KAT6B: variants seen among roughly 807,000 people sequenced by gnomAD.
KAT6B encodes the protein histone acetyltransferase KAT6B.
In KAT6B, 10 loss-of-function variants were observed where a neutral mutation model predicts 187.5. The ratio of observed to expected loss-of-function variants is 0.05; its 90% CI spans 0.03 to 0.09. The LOEUF (loss-of-function observed/expected upper bound fraction) is 0.09. Among genes scored for constraint, KAT6B ranks in the 10% least tolerant of loss-of-function variants. The probability of loss-of-function intolerance (pLI) is 1.00; values close to 1 mark genes in which losing one functional copy is unlikely to be tolerated. For synonymous variants in KAT6B, 861 were observed against 926.8 expected (o/e 0.93, Z 1.29); for missense variants, 1,952 against 2,558.9 (o/e 0.76, Z 5.12).
At chr10:74,899,791 A>G (rs1846255651) in intron 3 of KAT6B, among the ~76,000 whole-genome samples, 1 of 152,092 alleles carries the variant, frequency 6.6e-6, no homozygotes, top group Admixed American at 6.6e-5. Context: ...CAACATCATT[A>G]TTTTTGGTCA....
chr10:74,930,895 C>T (rs1031278724), intron 3 of KAT6B, among the ~76,000 whole-genome samples: 3 of 152,118 alleles, frequency 2.0e-5, no homozygotes, highest in African/African-American at 7.2e-5. Flanking sequence ...CACTGTTAAT[C>T]AAATCCATCT....
intron 3 of KAT6B, among the ~76,000 whole-genome samples, chr10:74,855,254 G>A (rs1157560355): frequency 6.6e-6 from 1 of 152,158 alleles, no homozygotes; most frequent in Non-Finnish European, 1.5e-5. Context: ...GGCTGCCTAG[G>A]GTGTTCAGAG....
At chr10:74,921,839 T>A (rs1589627435) in intron 3 of KAT6B, among the ~76,000 whole-genome samples, 1 of 152,236 alleles carries the variant, frequency 6.6e-6, no homozygotes, top group Non-Finnish European at 1.5e-5. Context: ...ACAGCTCAGT[T>A]GCTTAGAGCA....
At chr10:74,887,252 G>T (rs1845347136) in intron 3 of KAT6B, among the ~76,000 whole-genome samples, 2 of 152,130 alleles carry the variant, frequency 1.3e-5, no homozygotes. Flanking sequence ...TTTCCATAGG[G>T]TGTCCAGACA....
intron 3 of KAT6B, among the ~76,000 whole-genome samples, chr10:74,905,255 G>A (rs775518794): frequency 2.0e-5 from 3 of 152,194 alleles, no homozygotes; most frequent in Non-Finnish European, 2.9e-5. Context: ...TTGCCTGTCA[G>A]TTGTGAGAGA....
At chr10:74,976,650 C>T in intron 8 of KAT6B, 1 of 407,800 alleles carries the variant, frequency 2.5e-6, no homozygotes, top group South Asian at 2.1e-5. Context: ...TGCCATGCTT[C>T]TGCCATGCTC....
chr10:74,903,320 A>G (rs1464451234), intron 3 of KAT6B, among the ~76,000 whole-genome samples: 1 of 152,160 alleles, frequency 6.6e-6, no homozygotes. Context: ...TGATTCTACT[A>G]CCTTGCTTGG....
intron 3 of KAT6B, among the ~76,000 whole-genome samples, chr10:74,947,018 T>G (rs1839997260): frequency 6.6e-6 from 1 of 152,184 alleles, no homozygotes; most frequent in Admixed American, 6.5e-5. Context: ...TGGTTTTTTT[T>G]GAGACGAGTC....
chr10:74,997,986 C>T (rs1271131654), intron 13 of KAT6B, among the ~76,000 whole-genome samples: 1 of 152,074 alleles, frequency 6.6e-6, no homozygotes, highest in Non-Finnish European at 1.5e-5. Flanking sequence ...GTGATGGGTG[C>T]CTGTAATCCC....
At chr10:74,873,656 A>T (rs1377700054) in intron 3 of KAT6B, among the ~76,000 whole-genome samples, 1 of 152,094 alleles carries the variant, frequency 6.6e-6, no homozygotes, top group Non-Finnish European at 1.5e-5. Flanking sequence ...TTTGAAGAAC[A>T]TATTTAACAG....
intron 4 of KAT6B, among the ~76,000 whole-genome samples, chr10:74,963,366 G>C (rs1841235324): frequency 6.6e-6 from 1 of 152,212 alleles, no homozygotes; most frequent in Non-Finnish European, 1.5e-5. Context: ...CTTACTTACA[G>C]ATGAGTTGTG....
intron 3 of KAT6B, among the ~76,000 whole-genome samples, chr10:74,934,748 C>T (rs1329515280): frequency 6.6e-6 from 1 of 152,170 alleles, no homozygotes; most frequent in Non-Finnish European, 1.5e-5. Context: ...CCAAGTAACT[C>T]TTGAAATCCC....
At chr10:74,971,507 A>G (rs1306837432) in intron 6 of KAT6B, among the ~76,000 whole-genome samples, 1 of 152,112 alleles carries the variant, frequency 6.6e-6, no homozygotes. Context: ...GATAATAGAA[A>G]TATGTCTGAT....
intron 13 of KAT6B, among the ~76,000 whole-genome samples, chr10:74,998,441 A>T (rs914294023): frequency 2.0e-5 from 3 of 151,036 alleles, no homozygotes; most frequent in Non-Finnish European, 3.0e-5. Context: ...GTAGAAAGTT[A>T]AAAAAAAAGG....
intron 3 of KAT6B, among the ~76,000 whole-genome samples, chr10:74,846,449 G>GT (rs1043994234): frequency 2.2e-4 from 33 of 151,016 alleles, no homozygotes; most frequent in African/African-American, 5.3e-4. Context: ...TTGTTTTTTT[G>GT]TTTTTTTTGA....
At chr10:74,929,404 A>AT (rs1203958286) in intron 3 of KAT6B, among the ~76,000 whole-genome samples, 1 of 152,170 alleles carries the variant, frequency 6.6e-6, no homozygotes, top group East Asian at 1.9e-4. Flanking sequence ...TGTGATAAAT[A>AT]TTTTTCAGTG....
chr10:74,995,933 ACCC>A (rs1010159991), intron 13 of KAT6B, among the ~76,000 whole-genome samples: 7 of 152,192 alleles, frequency 4.6e-5, no homozygotes, highest in Admixed American at 4.6e-4. Context: ...CAGAGCCAGA[ACCC>A]TGGCTGATGG....
intron 8 of KAT6B, 75 bp downstream of exon 8, chr10:74,976,405 A>G (rs77790008): frequency 7.7e-6 from 9 of 1,165,458 alleles, no homozygotes; most frequent in African/African-American, 6.0e-5. Flanking sequence ...AAATCAACCA[A>G]TCAATTCCTA....
At chr10:74,861,927 C>G (rs926107985) in intron 3 of KAT6B, among the ~76,000 whole-genome samples, 1 of 152,162 alleles carries the variant, frequency 6.6e-6, no homozygotes, top group African/African-American at 2.4e-5. Context: ...TTTACCTTGC[C>G]TAACCCAAGA....
Sources: allele counts gnomAD v4.1 joint callset (sites outside exome capture counted in the v4.1 genomes callset), GRCh38; gene constraint gnomAD v4.1.1; transcripts MANE v1.5; gene names NCBI Gene and HGNC (gene_info 2026-07-23, HGNC 2026-07-21).